Variants in ABCB1 observed in about 807,000 individuals in gnomAD.
ABCB1 encodes ATP binding cassette subfamily B member 1, also known as ATP-dependent translocase ABCB1.
A neutral mutation model predicts 142.0 loss-of-function variants in ABCB1; 69 were observed. That is an observed-to-expected ratio of 0.49 (90% CI 0.40 to 0.59). The LOEUF (loss-of-function observed/expected upper bound fraction) is 0.59. ABCB1 is among the 20% of genes least tolerant of loss of function. The pLI, the probability that ABCB1 is intolerant of heterozygous loss-of-function variation, is 0.00. For synonymous variants in ABCB1, 532 were observed against 539.2 expected (o/e 0.99, Z 0.18); for missense variants, 1,326 against 1,554.7 (o/e 0.85, Z 2.47).
intron 1 of ABCB1, among the ~76,000 whole-genome samples, chr7:87,698,373 C>T (rs1449149316): frequency 2.6e-5 from 4 of 152,076 alleles, no homozygotes; most frequent in Admixed American, 2.6e-4. Context: ...GGATTACAGG[C>T]GTGAGCCACC....
At chr7:87,650,083 T>C (rs1823428768) in intron 1 of ABCB1, among the ~76,000 whole-genome samples, 2 of 152,176 alleles carry the variant, frequency 1.3e-5, no homozygotes, top group Non-Finnish European at 2.9e-5. Flanking sequence ...AATGCTCACG[T>C]CCTATTTTAT....
At chr7:87,672,397 A>G (rs1016888723) in intron 1 of ABCB1, among the ~76,000 whole-genome samples, 1 of 152,106 alleles carries the variant, frequency 6.6e-6, no homozygotes, top group African/African-American at 2.4e-5. Flanking sequence ...CCTCCCCTGG[A>G]CGCTCCTCCC....
intron 4 of ABCB1, 148 bp from the exon 5 acceptor site, chr7:87,570,371 T>C (rs1817998014): frequency 1.3e-6 from 1 of 790,340 alleles, no homozygotes. Context: ...GTAAGCATTA[T>C]GGCATTCATT....
At chr7:87,536,895 G>T in intron 19 of ABCB1, 1 of 298,362 alleles carries the variant, frequency 3.4e-6, no homozygotes. Flanking sequence ...AGTGAGGGGA[G>T]GTGCTATTTT....
intron 5 of ABCB1, 147 bp downstream of exon 5, chr7:87,570,025 T>C (rs1307683401): frequency 1.4e-6 from 1 of 727,622 alleles, no homozygotes; most frequent in East Asian, 2.7e-5. Flanking sequence ...AATTCTTTTC[T>C]TAAAAAGTCT....
rs1268415196 is a variant in ABCB1 at position 87,600,204 on chromosome 7, G to T, written c.-6-14C>A. 2 of 1,611,658 alleles carry T rather than the reference G, an allele frequency of 1.2e-6. No individual in the cohort carries two copies. Among genetic ancestry groups the T allele is most frequent in the Non-Finnish European group, 1.7e-6 (2 of 1,178,132 alleles). On this transcript the variant is annotated splice_polypyrimidine_tract_variant and intron_variant, in intron 1 of 27. Transcript: ENST00000622132. ...ATCCATTCCGACCTGAAGAGAAACC[G>T]CAGCTCATTAGCCAAATGCATGAGC...
intron 21 of ABCB1, among the ~76,000 whole-genome samples, chr7:87,528,091 A>C (rs923409894): frequency 1.7e-4 from 26 of 152,136 alleles, no homozygotes; most frequent in African/African-American, 5.8e-4. Context: ...ATTCACTATC[A>C]TGAGAATAGC....
chr7:87,581,331 C>T (rs1818497280), intron 4 of ABCB1, among the ~76,000 whole-genome samples: 1 of 152,064 alleles, frequency 6.6e-6, no homozygotes. Context: ...AGGCACCCCA[C>T]CTGCCGTCTT....
chr7:87,552,488 G>A (rs983876081), intron 9 of ABCB1, among the ~76,000 whole-genome samples: 2 of 151,958 alleles, frequency 1.3e-5, no homozygotes, highest in Admixed American at 6.6e-5. Flanking sequence ...GAATCAAGTT[G>A]GTCCGATATC....
At chr7:87,512,480 G>A (rs528823996) in intron 25 of ABCB1, among the ~76,000 whole-genome samples, 16 of 152,234 alleles carry the variant, frequency 1.1e-4, no homozygotes, top group African/African-American at 1.4e-4. Flanking sequence ...AATATTCACC[G>A]AAGCTTTAGA....
chr7:87,614,308 G>A (rs1284820841), intron 1 of ABCB1, among the ~76,000 whole-genome samples: 1 of 152,036 alleles, frequency 6.6e-6, no homozygotes, highest in Non-Finnish European at 1.5e-5. Flanking sequence ...GAGGCAGGAA[G>A]ATTACTTAAG....
chr7:87,680,948 C>A (rs925755824), intron 1 of ABCB1, among the ~76,000 whole-genome samples: 1 of 150,336 alleles, frequency 6.7e-6, no homozygotes. Flanking sequence ...AGGATGATTG[C>A]TTGAAATCAT....
At chr7:87,590,685 G>A (rs933088146) in intron 3 of ABCB1, among the ~76,000 whole-genome samples, 7 of 152,332 alleles carry the variant, frequency 4.6e-5, no homozygotes, top group African/African-American at 1.2e-4. Flanking sequence ...AGAGCAGAGT[G>A]AGAGGGAATA....
intron 7 of ABCB1, 122 bp downstream of exon 7, chr7:87,565,948 G>C: frequency 8.6e-7 from 1 of 1,160,296 alleles, no homozygotes; most frequent in Non-Finnish European, 1.3e-6. Flanking sequence ...ATTTTGAACA[G>C]AAAACGTAAA....
At chr7:87,587,146 AT>A (rs1294345273) in intron 3 of ABCB1, among the ~76,000 whole-genome samples, 3 of 152,226 alleles carry the variant, frequency 2.0e-5, no homozygotes, top group Non-Finnish European at 4.4e-5. Context: ...TTAGATAAGA[AT>A]TCATCTGCTT....
At chr7:87,675,726 CCTTTCT>C (rs1448661426) in intron 1 of ABCB1, among the ~76,000 whole-genome samples, 1 of 148,412 alleles carries the variant, frequency 6.7e-6, no homozygotes, top group Non-Finnish European at 1.5e-5. Flanking sequence ...AGAAATCGGA[CCTTTCT>C]CTTATATCAT....
Position 87,531,725 on chromosome 7 carries a change from C to T in ABCB1, c.2482-228G>A. 5.7e-6 allele frequency: 3 copies of T among 526,136 alleles called. No homozygotes were observed. The South Asian group carries it at 6.5e-5, about 11-fold the overall frequency. 32.6% of individuals were successfully genotyped at this position (526,136 alleles called of 1,614,324 possible). On this transcript the variant is annotated intron_variant, in intron 20 of 27. Coordinates refer to ENST00000622132, the MANE Select transcript of ABCB1 (RefSeq NM_001348946.2). ...CAATCTAGAGTTCAATTACATATTC[C>T]TATCTCTTTGGATCTTTTAATACCA...
chr7:87,641,447 C>G (rs1822443309), intron 1 of ABCB1, among the ~76,000 whole-genome samples: 1 of 152,172 alleles, frequency 6.6e-6, no homozygotes, highest in African/African-American at 2.4e-5. Context: ...CTTGAACAAC[C>G]TACAGTTTGC....
intron 3 of ABCB1, among the ~76,000 whole-genome samples, chr7:87,587,593 T>C (rs1001050989): frequency 6.6e-6 from 1 of 152,078 alleles, no homozygotes; most frequent in Admixed American, 6.5e-5. Flanking sequence ...CAAGTGTAGC[T>C]GGGTGCAGTG....
Sources: gnomAD v4.1 joint callset for allele counts (sites outside exome capture counted in the v4.1 genomes callset) on GRCh38, gnomAD v4.1.1 for gene constraint, MANE v1.5 for transcripts, NCBI Gene and HGNC (gene_info 2026-07-23, HGNC 2026-07-21) for gene names.